ENTPD7: variants seen among roughly 807,000 people sequenced by gnomAD.
ENTPD7 encodes ectonucleoside triphosphate diphosphohydrolase 7, also known as NTPDase 7.
A neutral mutation model predicts 77.9 loss-of-function variants in ENTPD7; 53 were observed. The observed-to-expected ratio is 0.68, with a 90% confidence interval of 0.55 to 0.85. The LOEUF (loss-of-function observed/expected upper bound fraction) is 0.85, where lower values mean the gene tolerates loss of function less well. Ranked by LOEUF, ENTPD7 falls within the 40% of genes least tolerant of loss-of-function variation. ENTPD7 has a pLI of 0.00. For missense variants in ENTPD7, 636 were observed against 743.7 expected (o/e 0.86, Z 1.68); for synonymous variants, 248 against 274.9 (o/e 0.90, Z 0.97).
At chr10:99,693,090 A>G (rs1156663200) in intron 8 of ENTPD7, among the ~76,000 whole-genome samples, 1 of 152,150 alleles carries the variant, frequency 6.6e-6, no homozygotes, top group Non-Finnish European at 1.5e-5. Flanking sequence ...TAGTGTGAGT[A>G]GGGTGGGAGG....
chr10:99,660,526 GCACACACACACACACA>G (rs68112730), intron 2 of ENTPD7: 26 of 283,208 alleles, frequency 9.2e-5, no homozygotes, highest in African/African-American at 4.2e-4. Context: ...GAATGGATAC[GCACACACACACACACA>G]CACACACACA....
intron 5 of ENTPD7, 89 bp downstream of exon 5, chr10:99,679,964 T>G: frequency 4.1e-6 from 6 of 1,460,242 alleles, no homozygotes; most frequent in Non-Finnish European, 5.5e-6. Flanking sequence ...GGTTCCCTGG[T>G]CTATACCCCT....
chr10:99,691,400 C>T lies in ENTPD7; in HGVS notation c.725C>T (p.Ala242Val), dbSNP rs2035880870. ...FDHEDESDAE[A>V]TQELAAGRRR... Reference sequence around the variant, plus strand: ...TTTATTTCAGAATCAGATGCTGAGGCTACCCAGGAATTGGCAGCAGGACGG... The same window carrying T: ...TTTATTTCAGAATCAGATGCTGAGGTTACCCAGGAATTGGCAGCAGGACGG... The change falls in exon 8 of 13, where the codon GCT becomes GTT. Residue 242 changes from alanine to valine, a missense_variant. Coordinates refer to ENST00000370489, the MANE Select transcript of ENTPD7 (RefSeq NM_020354.5). 6.2e-7 allele frequency: 1 copy of T among 1,613,408 alleles called. No homozygotes were observed. The highest frequency in any genetic ancestry group is 8.5e-7 in the Non-Finnish European group (1 of 1,179,714).
In ENTPD7 at chr10:99,659,823, G is replaced by A; in HGVS notation, c.-95-39G>A. On this transcript the variant is annotated intron_variant, in intron 1 of 12. Transcript: ENST00000370489. The surrounding 1 kb of genome is among the most constrained non-coding windows in gnomAD (Gnocchi z 4.1). ...AATTCCCGTGCAGGTTTGTCTCGTG[G>A]GCTCAGTCGGACAGAAGCCTGAAAT... is the stretch of plus-strand genomic sequence containing the variant. 1 of 1,272,702 alleles carries A rather than the reference G, an allele frequency of 7.9e-7. No individual in the cohort carries two copies. The highest frequency in any genetic ancestry group is 2.1e-5 in the Admixed American group (1 of 48,300). 78.8% of individuals were successfully genotyped at this position (1,272,702 alleles called of 1,614,324 possible).
intron 5 of ENTPD7, among the ~76,000 whole-genome samples, chr10:99,685,210 T>C (rs2035797134): frequency 6.6e-6 from 1 of 152,164 alleles, no homozygotes; most frequent in African/African-American, 2.4e-5. Context: ...TGAGCCGAGA[T>C]CATGCCATTG....
chr10:99,704,917 G>A lies in ENTPD7; in HGVS notation c.*234G>A, dbSNP rs1367212656. 3.7e-6 allele frequency: 2 copies of A among 543,120 alleles called. No homozygotes were observed. Among genetic ancestry groups the A allele is most frequent in the Non-Finnish European group, 6.6e-6 (2 of 303,170 alleles). 33.6% of individuals were successfully genotyped at this position (543,120 alleles called of 1,614,324 possible). On this transcript the variant is annotated 3_prime_UTR_variant, in exon 13 of 13. Coordinates refer to ENST00000370489, the MANE Select transcript of ENTPD7 (RefSeq NM_020354.5). ...ACAGGAGATTGGTGCTAATACGGGG[G>A]ACCAAGCTTTGTCCAAGTGAAGCAG...
chr10:99,669,658 G>A (rs999325034), intron 3 of ENTPD7, among the ~76,000 whole-genome samples: 15 of 150,596 alleles, frequency 1.0e-4, no homozygotes, highest in Admixed American at 9.3e-4. Flanking sequence ...AGCTGAAGGT[G>A]CAGAGATTTA....
chr10:99,669,679 CCT>C (rs1168394994), intron 3 of ENTPD7, among the ~76,000 whole-genome samples: 5 of 150,906 alleles, frequency 3.3e-5, no homozygotes, highest in African/African-American at 1.2e-4. Flanking sequence ...CCACATATCC[CCT>C]GACCCTACAC....
chr10:99,694,105 C>G (rs2084594224), intron 8 of ENTPD7, among the ~76,000 whole-genome samples: 1 of 152,218 alleles, frequency 6.6e-6, no homozygotes, highest in Middle Eastern at 3.4e-3. Flanking sequence ...TGTGCAGCCA[C>G]CACTATTGAA....
intron 6 of ENTPD7, 134 bp downstream of exon 6, chr10:99,686,029 T>C (rs1329168891): frequency 2.9e-5 from 17 of 582,280 alleles, no homozygotes; most frequent in African/African-American, 5.6e-5. Flanking sequence ...TTCTGCTACA[T>C]AGTTGATTTG....
At chr10:99,682,843 A>C (rs2035769821) in intron 5 of ENTPD7, among the ~76,000 whole-genome samples, 1 of 152,168 alleles carries the variant, frequency 6.6e-6, no homozygotes, top group Non-Finnish European at 1.5e-5. Flanking sequence ...GCCAGAGAAA[A>C]AGCTGACCTG....
chr10:99,691,648 T>C (rs1350452742), intron 8 of ENTPD7, 130 bp downstream of exon 8: 5 of 984,852 alleles, frequency 5.1e-6, no homozygotes, highest in Non-Finnish European at 7.3e-6. Context: ...GCTTGCGTTA[T>C]CTTGAGTAGG....
chr10:99,698,811 C>T lies in ENTPD7; in HGVS notation c.1288C>T (p.Arg430Cys), dbSNP rs555052941. 14 of 1,612,092 alleles carry T rather than the reference C, an allele frequency of 8.7e-6. No individual in the cohort carries two copies. The highest frequency in any genetic ancestry group is 2.2e-5 in the South Asian group (2 of 90,834). The change falls in exon 10 of 13, where the codon CGC (arginine) becomes TGC (cysteine). Residue 430 changes from arginine to cysteine, a missense_variant. By Grantham distance (180) the Arg-to-Cys change is radical. Transcript: ENST00000370489. ...EFFYCTEDVLRIGGRYHGPTF... is the reference protein window; with the variant it reads ...EFFYCTEDVLCIGGRYHGPTF... ...TTTTTATTGTACAGAGGATGTGTTG[C>T]GCATTGGTGGCCGCTACCATGGGCC...
In ENTPD7 at chr10:99,695,946, T is replaced by G; in HGVS notation, c.844-10T>G. On this transcript the variant is annotated splice_polypyrimidine_tract_variant and intron_variant, in intron 8 of 12. Transcript: ENST00000370489. The stretch of plus-strand genomic sequence containing the variant: ...TAAAATTCCCTTTTTCTCTTGGTAT[T>G]GTATTATAGGAAGAAGCTGCCAAGA... 1 of 1,601,286 alleles carries G rather than the reference T, an allele frequency of 6.2e-7. No homozygotes were observed. The highest frequency in any genetic ancestry group is 1.3e-5 in the African/African-American group (1 of 74,326).
At chr10:99,688,565 T>C in intron 6 of ENTPD7, 129 bp from the exon 7 acceptor site, 1 of 745,320 alleles carries the variant, frequency 1.3e-6, no homozygotes, top group South Asian at 3.0e-5. Context: ...ATTCCTACAT[T>C]GAGAGTATGG....
chr10:99,665,721 A>G (rs976922632), intron 3 of ENTPD7, among the ~76,000 whole-genome samples: 1 of 151,672 alleles, frequency 6.6e-6, no homozygotes, highest in African/African-American at 2.4e-5. Flanking sequence ...CGTTACTGAA[A>G]TAGAGATGGA....
In ENTPD7 at chr10:99,704,519, C is replaced by T; in HGVS notation, c.1651C>T (p.His551Tyr). 6.2e-7 allele frequency: 1 copy of T among 1,614,198 alleles called. No homozygotes were observed. The highest frequency in any genetic ancestry group is 8.5e-7 in the Non-Finnish European group (1 of 1,180,040). ...GTTCCGTCTCTCCTTTGTATACAAC[C>T]ACTATCTCTTCTTTGCCTGTATCCT... ...SWFRLSFVYN[H>Y]YLFFACILVV... Residue 551 changes from histidine (H) to tyrosine (Y), a missense_variant, in exon 13 of 13, where the codon CAC (histidine) becomes TAC (tyrosine). By Grantham distance (83) the His-to-Tyr change is moderately conservative (BLOSUM62 2). This residue lies in a region of ENTPD7 where 138 missense variants were observed against 150.9 expected (regional missense o/e 0.91). Coordinates refer to ENST00000370489, the MANE Select transcript of ENTPD7 (RefSeq NM_020354.5).
At position 99,661,589 on chromosome 10, in the gene ENTPD7, A is replaced by G. The variant is rs1214083170; in HGVS notation, c.152A>G (p.His51Arg). ...LLLMLIIDFRHWSASLPRDRQ... is the reference protein window; with the variant it reads ...LLLMLIIDFRRWSASLPRDRQ... ...CTTATGTTAATCATAGACTTTCGAC[A>G]TTGGAGTGCTTCATTACCACGAGAT... The change falls in exon 3 of 13, where the codon CAT becomes CGT. Residue 51 changes from histidine to arginine, a missense_variant. Coordinates refer to ENST00000370489, the MANE Select transcript of ENTPD7 (RefSeq NM_020354.5). The G allele has an allele frequency of 6.2e-7, 1 of 1,612,390 alleles. No individual in the cohort carries two copies. Among genetic ancestry groups the G allele is most frequent in the Non-Finnish European group, 8.5e-7 (1 of 1,179,586 alleles).
chr10:99,669,495 AAG>A (rs963627490), intron 3 of ENTPD7, among the ~76,000 whole-genome samples: 10 of 152,108 alleles, frequency 6.6e-5, no homozygotes, highest in Admixed American at 4.6e-4. Flanking sequence ...TGCTTCTGGA[AAG>A]AGAGAGTAGG....
Sources: allele counts gnomAD v4.1 joint callset (sites outside exome capture counted in the v4.1 genomes callset), GRCh38; gene constraint gnomAD v4.1.1; regional missense constraint gnomAD v4.1.1; non-coding constraint Gnocchi (gnomAD v3.1); transcripts MANE v1.5; gene names NCBI Gene and HGNC (gene_info 2026-07-23, HGNC 2026-07-21).